The following USP5 variants were observed in gnomAD, a reference collection of about 807,000 sequenced individuals.
The protein encoded by USP5 is ubiquitin specific peptidase 5, also known as ubiquitin carboxyl-terminal hydrolase 5.
USP5 carries 24 observed loss-of-function variants against 102.5 expected under a neutral mutation model. The observed-to-expected ratio is 0.23, with a 90% CI of 0.17 to 0.33. The LOEUF is 0.33. USP5 is among the 10% of genes least tolerant of loss of function. The pLI is 1.00. For synonymous variants in USP5, 460 were observed against 434.8 expected (o/e 1.06, Z -0.72); for missense variants, 753 against 1,122.1 (o/e 0.67, Z 4.70).
At chr12:6,862,074 CTGTGTGGGTTTTTTTTTTTTTTCTA>C (rs1367934810) in intron 13 of USP5, among the ~76,000 whole-genome samples, 1 of 149,666 alleles carries the variant, frequency 6.7e-6, no homozygotes, top group Non-Finnish European at 1.5e-5. Context: ...CTCTTCCTCT[CTGTGTGGGTTTTTTTTTTTTTTCTA>C]TGTGTGGGTC....
intron 13 of USP5, among the ~76,000 whole-genome samples, chr12:6,862,224 A>G (rs1555129710): frequency 6.6e-6 from 1 of 151,652 alleles, no homozygotes; most frequent in Non-Finnish European, 1.5e-5. Flanking sequence ...GGAATTACAG[A>G]TATGAGCCAC....
chr12:6,860,829 T>C lies in USP5; in HGVS notation c.1345-124T>C. ...GGTGAATTAGGGAAGGTTTCTGCTC[T>C]GCTCTTGTGTCCCTGAGTTCCGAGT... On this transcript the variant is annotated intron_variant, in intron 11 of 19. Coordinates refer to ENST00000229268, the MANE Select transcript of USP5 (RefSeq NM_001098536.2). This position sits in a 1 kb window ranked among gnomAD's most constrained non-coding sequence, Gnocchi z 5.5. 7.1e-7 allele frequency: 1 copy of C among 1,406,054 alleles called. No homozygotes were observed. Among genetic ancestry groups the C allele is most frequent in the Non-Finnish European group, 9.8e-7 (1 of 1,025,070 alleles). The allele number at this position is 1,406,054 out of a possible 1,614,324, so 87.1% of individuals were successfully genotyped here.
In USP5 at chr12:6,861,257, T is replaced by C; in HGVS notation, c.1498+151T>C. Reference sequence around the variant, plus strand: ...GCCACCAGGAGTAGGTAGATTAACCTCGTCCAGTGGACACTCAGCTTGTTA... The same window carrying C: ...GCCACCAGGAGTAGGTAGATTAACCCCGTCCAGTGGACACTCAGCTTGTTA... On this transcript the variant is annotated intron_variant, in intron 12 of 19. Coordinates refer to ENST00000229268, the MANE Select transcript of USP5 (RefSeq NM_001098536.2). This position sits in a 1 kb window ranked among gnomAD's most constrained non-coding sequence, Gnocchi z 4.9. The C allele has an allele frequency of 7.2e-7, 1 of 1,392,128 alleles. No homozygotes were observed. The highest frequency in any genetic ancestry group is 9.7e-7 in the Non-Finnish European group (1 of 1,031,904). 86.2% of individuals were successfully genotyped at this position (1,392,128 alleles called of 1,614,324 possible). A position where few individuals can be genotyped will look rare whatever the true frequency, so the allele number is the denominator to read the frequency against.
rs782183632 is a variant in USP5 at position 6,864,835 on chromosome 12, GTCT to G, written c.2359_2361del (p.Ser787del). ...GCTCAGCTGCCGACTCCATCTCTGAGTCTGTGCCAGTGGGACCTAAAGTCCGGG... is the reference window on the plus strand; with the variant it reads ...GCTCAGCTGCCGACTCCATCTCTGAGGTGCCAGTGGGACCTAAAGTCCGGG... On this transcript the variant is annotated inframe_deletion, in exon 18 of 20. Transcript: ENST00000229268. The surrounding 1 kb of genome is among the most constrained non-coding windows in gnomAD (Gnocchi z 4.8). The G allele has an allele frequency of 8.1e-6, 13 of 1,613,890 alleles. No individual in the cohort carries two copies. The African/African-American group carries it at 1.7e-4, about 22-fold the overall frequency.
Position 6,864,640 on chromosome 12 carries a change from G to C in USP5, c.2245-82G>C, listed in dbSNP as rs2138072869. Reference sequence around the variant, plus strand: ...GGAGGCGGAGCTTGCAGTGAGCCGAGATCGCGCCACTGCACTCCAGCCTGG... The same window carrying C: ...GGAGGCGGAGCTTGCAGTGAGCCGACATCGCGCCACTGCACTCCAGCCTGG... On this transcript the variant is annotated intron_variant, in intron 17 of 19. Transcript: ENST00000229268. This position sits in a 1 kb window ranked among gnomAD's most constrained non-coding sequence, Gnocchi z 4.8. 2 of 1,482,738 alleles carry C rather than the reference G, an allele frequency of 1.3e-6. No homozygotes were observed. The highest frequency in any genetic ancestry group is 2.3e-5 in the East Asian group (1 of 43,080). 91.8% of individuals were successfully genotyped at this position (1,482,738 alleles called of 1,614,324 possible).
chr12:6,855,795 G>A lies in USP5; in HGVS notation c.278G>A (p.Arg93Gln), dbSNP rs200475983. ...DPATGTGDPP[R>Q]KKPTRLAIGV... ...GCTACAGGCACTGGAGACCCACCCC[G>A]GAAGAAGCCCACGCGGCTGGCTATT... The change falls in exon 3 of 20, where the codon CGG becomes CAG. Residue 93 changes from arginine to glutamine, a missense_variant. Around this residue, in one of 3 missense-constraint regions of USP5, gnomAD observed 527 missense variants for 816.5 expected, o/e 0.65. Transcript: ENST00000229268. The surrounding 1 kb of genome is among the most constrained non-coding windows in gnomAD (Gnocchi z 4.6). 152 of 1,614,090 alleles carry A rather than the reference G, an allele frequency of 9.4e-5. 1 individual carries two copies. Among genetic ancestry groups the A allele is most frequent in the Middle Eastern group, 6.6e-4 (4 of 6,084 alleles).
Position 6,858,740 on chromosome 12 carries a change from T to C in USP5, c.1058+123T>C, listed in dbSNP as rs1555128897. On this transcript the variant is annotated intron_variant, in intron 8 of 19. Coordinates refer to ENST00000229268, the MANE Select transcript of USP5 (RefSeq NM_001098536.2). This position sits in a 1 kb window ranked among gnomAD's most constrained non-coding sequence, Gnocchi z 4.2. Reference sequence around the variant, plus strand: ...TAGTCTTAGAGTAGTTCCTATCGGCTGGGTGTGTTGGCCCACACCCGTAAT... The same window carrying C: ...TAGTCTTAGAGTAGTTCCTATCGGCCGGGTGTGTTGGCCCACACCCGTAAT... 3.3e-6 allele frequency: 3 copies of C among 916,660 alleles called. No individual in the cohort carries two copies. Among genetic ancestry groups the C allele is most frequent in the East Asian group, 5.4e-5 (2 of 37,358 alleles). The allele number at this position is 916,660 out of a possible 1,614,324, so 56.8% of individuals were successfully genotyped here. A position where few individuals can be genotyped will look rare whatever the true frequency, so the allele number is the denominator to read the frequency against.
Position 6,864,789 on chromosome 12 carries a change from C to T in USP5, c.2312C>T (p.Ala771Val). 2 of 1,613,828 alleles carry T rather than the reference C, an allele frequency of 1.2e-6. No individual in the cohort carries two copies. Among genetic ancestry groups the T allele is most frequent in the Non-Finnish European group, 1.7e-6 (2 of 1,180,042 alleles). ...SHIDDLDAEA[A>V]MDISEGRSAA... ...ATTGACGACCTGGATGCTGAAGCTG[C>T]CATGGACATCTCAGAGGGCCGCTCA... The change falls in exon 18 of 20, where the codon GCC becomes GTC. Residue 771 changes from alanine to valine, a missense_variant. This residue lies in a region of USP5 where 193 missense variants were observed against 230.2 expected (regional missense o/e 0.84). Transcript: ENST00000229268. The surrounding 1 kb of genome is among the most constrained non-coding windows in gnomAD (Gnocchi z 4.8).
Position 6,858,858 on chromosome 12 carries a change from A to T in USP5, c.1058+241A>T, listed in dbSNP as rs112306827. 11 of 164,254 alleles carry T rather than the reference A, an allele frequency of 6.7e-5. No individual in the cohort carries two copies. The highest frequency in any genetic ancestry group is 1.4e-4 in the African/African-American group (5 of 35,510). 10.2% of individuals were successfully genotyped at this position (164,254 alleles called of 1,614,324 possible). The stretch of plus-strand genomic sequence containing the variant: ...ACATAGCGAGACCCTGTCTTCTCTT[A>T]AAAAAAAAAAAGAATAATTCCTGTC... On this transcript the variant is annotated intron_variant, in intron 8 of 19. Transcript: ENST00000229268. This position sits in a 1 kb window ranked among gnomAD's most constrained non-coding sequence, Gnocchi z 4.2.
Position 6,860,175 on chromosome 12 carries a change from C to T in USP5, c.1155C>T (p.Leu385=), listed in dbSNP as rs138839223. 5.0e-6 allele frequency: 8 copies of T among 1,604,530 alleles called. No homozygotes were observed. The highest frequency in any genetic ancestry group is 6.8e-6 in the Non-Finnish European group (8 of 1,177,518). The change falls in exon 10 of 20, where the codon CTC becomes CTT. Residue 385 remains leucine, a synonymous_variant. Coordinates refer to ENST00000229268, the MANE Select transcript of USP5 (RefSeq NM_001098536.2). This position sits in a 1 kb window ranked among gnomAD's most constrained non-coding sequence, Gnocchi z 5.5. Reference sequence around the variant, plus strand: ...GGGCCAAGCTGGGCCATGGCCTTCTCTCCGGGGAGTATTCCAAGCCAGTAC... The same window carrying T: ...GGGCCAAGCTGGGCCATGGCCTTCTTTCCGGGGAGTATTCCAAGCCAGTAC... The part of the protein sequence containing the change: ...TQVAKLGHGL[L]SGEYSKPVPE...
intron 14 of USP5, among the ~76,000 whole-genome samples, chr12:6,862,968 C>T (rs1944320977): frequency 1.3e-5 from 2 of 152,186 alleles, no homozygotes; most frequent in South Asian, 4.1e-4. Context: ...CTGCCCTGTC[C>T]ATAGATTATT....
In USP5 at chr12:6,861,867, A is replaced by G. The variant is rs1175236192; in HGVS notation, c.1673+250A>G. On this transcript the variant is annotated intron_variant, in intron 13 of 19. Transcript: ENST00000229268. The surrounding 1 kb of genome is among the most constrained non-coding windows in gnomAD (Gnocchi z 4.9). ...GTGGCACAGGGTCTCTTTGTAGTGTAGCCTCTCTTCATTGCCCCTCAGTCA... is the reference window on the plus strand; with the variant it reads ...GTGGCACAGGGTCTCTTTGTAGTGTGGCCTCTCTTCATTGCCCCTCAGTCA... Among the ~76,000 whole-genome samples, 6 of 152,194 alleles carry G rather than the reference A, an allele frequency of 3.9e-5. No homozygotes were observed. The East Asian group carries it at 1.2e-3, about 29-fold the overall frequency.
intron 8 of USP5, 107 bp from the exon 9 acceptor site, chr12:6,859,363 C>A: frequency 9.0e-7 from 1 of 1,113,710 alleles, no homozygotes; most frequent in Non-Finnish European, 1.3e-6. Flanking sequence ...AGCAACTCCC[C>A]ACTCTTGAGG....
chr12:6,866,010 T>C lies in USP5; in HGVS notation c.2510T>C (p.Val837Ala). The C allele has an allele frequency of 6.2e-7, 1 of 1,614,086 alleles. No homozygotes were observed. The highest frequency in any genetic ancestry group is 8.5e-7 in the Non-Finnish European group (1 of 1,179,986). Residue 837 changes from valine to alanine, a missense_variant, in exon 20 of 20, where the codon GTG becomes GCG. Coordinates refer to ENST00000229268, the MANE Select transcript of USP5 (RefSeq NM_001098536.2). The surrounding 1 kb of genome is among the most constrained non-coding windows in gnomAD (Gnocchi z 4.7). Reference protein sequence around the residue: ...GRWVIYNDQKVCASEKPPKDL... With the variant: ...GRWVIYNDQKACASEKPPKDL... ...TGGGTGATCTACAATGACCAGAAAG[T>C]GTGTGCCTCCGAGAAGCCGCCCAAG... is the stretch of plus-strand genomic sequence containing the variant.
Position 6,855,863 on chromosome 12 carries a change from T to C in USP5, c.304+42T>C. The C allele has an allele frequency of 6.2e-7, 1 of 1,613,580 alleles. No homozygotes were observed. Among genetic ancestry groups the C allele is most frequent in the Non-Finnish European group, 8.5e-7 (1 of 1,179,598 alleles). On this transcript the variant is annotated intron_variant, in intron 3 of 19. Transcript: ENST00000229268. The surrounding 1 kb of genome is among the most constrained non-coding windows in gnomAD (Gnocchi z 4.6). ...TCCTATTCTTCTCCCTGAGCTGGTC[T>C]TTCTGGCTCTCAGCAGCACCAGGAA... is the stretch of plus-strand genomic sequence containing the variant.
In USP5 at chr12:6,856,972, A is replaced by G; in HGVS notation, c.769+81A>G. 8 of 1,498,572 alleles carry G rather than the reference A, an allele frequency of 5.3e-6. No homozygotes were observed. Among genetic ancestry groups the G allele is most frequent in the African/African-American group, 1.4e-5 (1 of 71,764 alleles). The allele number at this position is 1,498,572 out of a possible 1,614,324, so 92.8% of individuals were successfully genotyped here. A position where few individuals can be genotyped will look rare whatever the true frequency, so the allele number is the denominator to read the frequency against. Reference sequence around the variant, plus strand: ...TAATTTCGTGTGACATGTATAATACATGAATGCATTATCTTGATAAGAAAG... The same window carrying G: ...TAATTTCGTGTGACATGTATAATACGTGAATGCATTATCTTGATAAGAAAG... On this transcript the variant is annotated intron_variant, in intron 6 of 19. Coordinates refer to ENST00000229268, the MANE Select transcript of USP5 (RefSeq NM_001098536.2). The surrounding 1 kb of genome is among the most constrained non-coding windows in gnomAD (Gnocchi z 5.6).
In USP5 at chr12:6,860,242, C is replaced by T. The variant is rs374645378; in HGVS notation, c.1218+4C>T. 2.5e-6 allele frequency: 4 copies of T among 1,606,776 alleles called. No homozygotes were observed. Among genetic ancestry groups the T allele is most frequent in the East Asian group, 2.2e-5 (1 of 44,834 alleles). On this transcript the variant is annotated splice_donor_region_variant and intron_variant, in intron 10 of 19. Coordinates refer to ENST00000229268, the MANE Select transcript of USP5 (RefSeq NM_001098536.2). This position sits in a 1 kb window ranked among gnomAD's most constrained non-coding sequence, Gnocchi z 5.5. ...GGAGCGGGTGCCAGAACAGAAGGTGCGTCTAGGACCCTGTCCCTTTCAGGC... is the reference window on the plus strand; with the variant it reads ...GGAGCGGGTGCCAGAACAGAAGGTGTGTCTAGGACCCTGTCCCTTTCAGGC...
chr12:6,859,138 G>A (rs1222784119), intron 8 of USP5, among the ~76,000 whole-genome samples: 1 of 152,198 alleles, frequency 6.6e-6, no homozygotes, highest in Non-Finnish European at 1.5e-5. Flanking sequence ...GCAGAAATGA[G>A]TTTACTTTCG....
Position 6,860,039 on chromosome 12 carries a change from T to G in USP5, c.1131-112T>G. 4 of 1,184,450 alleles carry G rather than the reference T, an allele frequency of 3.4e-6. No homozygotes were observed. The South Asian group carries it at 5.4e-5, about 16-fold the overall frequency. The allele number at this position is 1,184,450 out of a possible 1,614,324, so 73.4% of individuals were successfully genotyped here. On this transcript the variant is annotated intron_variant, in intron 9 of 19. Transcript: ENST00000229268. This position sits in a 1 kb window ranked among gnomAD's most constrained non-coding sequence, Gnocchi z 5.5. The stretch of plus-strand genomic sequence containing the variant: ...GCTGGGTTCCTGTAGAATCTAAGGT[T>G]TTTCACGTTGTTGAGAGTTAGCTAG...
Sources: gnomAD v4.1 joint callset for allele counts (sites outside exome capture counted in the v4.1 genomes callset) on GRCh38, gnomAD v4.1.1 for gene constraint, gnomAD v4.1.1 regional missense constraint, Gnocchi (gnomAD v3.1) non-coding constraint, MANE v1.5 for transcripts, NCBI Gene and HGNC (gene_info 2026-07-23, HGNC 2026-07-21) for gene names.